Variants in DNAH5 observed in about 807,000 individuals in gnomAD.
The protein encoded by DNAH5 is axonemal beta dynein heavy chain 5.
DNAH5 carries 372 observed loss-of-function variants against 518.2 expected under a neutral mutation model. The observed-to-expected ratio is 0.72, with a 90% confidence interval of 0.66 to 0.78. The LOEUF (loss-of-function observed/expected upper bound fraction) is 0.78. DNAH5 is among the 30% of genes least tolerant of loss of function. The pLI is 0.00. For missense variants in DNAH5, 5,523 were observed against 5,687.0 expected, an observed-to-expected ratio of 0.97 and a Z score of 0.93; for synonymous variants, 2,039 against 2,025.9, an observed-to-expected ratio of 1.01 and a Z score of -0.17.
At chr5:13,713,318 C>CATATATATATACCGACAT (rs1202730491) in intron 75 of DNAH5, among the ~76,000 whole-genome samples, 1 of 143,752 alleles carries the variant, frequency 7.0e-6, no homozygotes, top group South Asian at 2.2e-4. Context: ...TATATACCGA[C>CATATATATATACCGACAT]ATATATATAC....
intron 39 of DNAH5, among the ~76,000 whole-genome samples, chr5:13,823,991 T>C (rs1762568945): frequency 6.6e-6 from 1 of 152,226 alleles, no homozygotes; most frequent in South Asian, 2.1e-4. Flanking sequence ...GCAATTCTAT[T>C]GGAATAGGCA....
At chr5:13,916,987 C>A (rs954381542) in intron 8 of DNAH5, among the ~76,000 whole-genome samples, 156 bp downstream of exon 8, 1 of 152,032 alleles carries the variant, frequency 6.6e-6, no homozygotes, top group Non-Finnish European at 1.5e-5. Context: ...TGTGCGTCTG[C>A]GTGTATATAC....
chr5:13,974,268 C>T (rs1201775706), intron 1 of DNAH5, among the ~76,000 whole-genome samples: 1 of 151,686 alleles, frequency 6.6e-6, no homozygotes, highest in African/African-American at 2.4e-5. Context: ...GCTGGGACTA[C>T]AGGTGAGTGC....
intron 35 of DNAH5, among the ~76,000 whole-genome samples, chr5:13,831,703 T>C (rs1296383016): frequency 1.3e-5 from 2 of 152,198 alleles, no homozygotes; most frequent in African/African-American, 2.4e-5. Flanking sequence ...GATCTGGTCA[T>C]GAAATCAGGA....
intron 63 of DNAH5, 74 bp from the exon 64 acceptor site, chr5:13,752,363 A>G: frequency 6.6e-7 from 1 of 1,526,354 alleles, no homozygotes; most frequent in Non-Finnish European, 9.1e-7. Flanking sequence ...CTGTTTTCAA[A>G]TGAAGCCTAA....
At chr5:13,903,798 T>A (rs1304560599) in intron 12 of DNAH5, among the ~76,000 whole-genome samples, 1 of 152,044 alleles carries the variant, frequency 6.6e-6, no homozygotes, top group African/African-American at 2.4e-5. Flanking sequence ...TTATAGGCAT[T>A]TGGGTGTAAA....
chr5:13,753,209 T>C, intron 63 of DNAH5, 24 bp downstream of exon 63: 1 of 1,585,938 alleles, frequency 6.3e-7, no homozygotes, highest in Non-Finnish European at 8.7e-7. Flanking sequence ...ACCGGTAGCA[T>C]AAACATACTA....
chr5:13,763,385 C>T (rs998933079), intron 59 of DNAH5, among the ~76,000 whole-genome samples: 3 of 152,084 alleles, frequency 2.0e-5, no homozygotes, highest in African/African-American at 7.2e-5. Context: ...ATTAAACTCA[C>T]CTAAAATGTG....
chr5:13,950,437 T>C (rs887841402), intron 1 of DNAH5, among the ~76,000 whole-genome samples: 7 of 152,036 alleles, frequency 4.6e-5, no homozygotes, highest in Admixed American at 2.0e-4. Context: ...CCACCACGCC[T>C]GGCTAATTTT....
chr5:13,801,842 C>G (rs902119897), intron 47 of DNAH5, among the ~76,000 whole-genome samples: 3 of 152,058 alleles, frequency 2.0e-5, no homozygotes, highest in African/African-American at 7.2e-5. Flanking sequence ...AGTTCATTTA[C>G]ATACAGTTAA....
rs189757194 is a variant in DNAH5 at position 13,765,858 on chromosome 5, T to C, written c.10101+118A>G. On this transcript the variant is annotated intron_variant, in intron 59 of 78. Transcript: ENST00000265104. ...TTTTATATTTGAGACAAAGTTTTACTCTGAAAAAATCATGTATGTAGAGTA... is the reference window on the plus strand; with the variant it reads ...TTTTATATTTGAGACAAAGTTTTACCCTGAAAAAATCATGTATGTAGAGTA... 1.8e-5 allele frequency: 19 copies of C among 1,058,968 alleles called. No homozygotes were observed. In the African/African-American group the frequency reaches 2.5e-4, roughly 14 times the overall value. 65.6% of individuals were successfully genotyped at this position (1,058,968 alleles called of 1,614,324 possible).
intron 1 of DNAH5, among the ~76,000 whole-genome samples, chr5:13,953,149 ACT>A (rs528754899): frequency 3.9e-4 from 59 of 152,186 alleles, no homozygotes; most frequent in Non-Finnish European, 4.6e-4. Context: ...AATTATAGAA[ACT>A]CTGTACGGAT....
intron 60 of DNAH5, among the ~76,000 whole-genome samples, chr5:13,759,372 T>A (rs944705760): frequency 3.3e-5 from 5 of 152,244 alleles, no homozygotes; most frequent in African/African-American, 1.2e-4. Context: ...CAGGCCATAG[T>A]CTACCTAGAT....
At chr5:13,772,541 C>T (rs1049970185) in intron 55 of DNAH5, among the ~76,000 whole-genome samples, 1 of 152,216 alleles carries the variant, frequency 6.6e-6, no homozygotes, top group Non-Finnish European at 1.5e-5. Flanking sequence ...CTGTCATCTT[C>T]AATATCCCAT....
chr5:13,758,801 C>T (rs1751366512), intron 61 of DNAH5, 45 bp downstream of exon 61: 2 of 1,613,552 alleles, frequency 1.2e-6, no homozygotes, highest in African/African-American at 2.7e-5. Context: ...GAGAGAGAAG[C>T]CGTGTAGATA....
chr5:13,904,906 G>A (rs906027958), intron 12 of DNAH5, among the ~76,000 whole-genome samples: 1 of 151,672 alleles, frequency 6.6e-6, no homozygotes, highest in Non-Finnish European at 1.5e-5. Context: ...GCAAGACCCT[G>A]TTTCAAAAAA....
Position 13,793,655 on chromosome 5 carries a change from G to T in DNAH5, c.8084C>A (p.Thr2695Asn). 1 of 1,614,142 alleles carries T rather than the reference G, an allele frequency of 6.2e-7. No individual in the cohort carries two copies. The highest frequency in any genetic ancestry group is 8.5e-7 in the Non-Finnish European group (1 of 1,180,026). ...FYNLEKPGEF[T>N]SIVDIQFLAA... ...CAAAAACTGGATGTCCACGATGCTG[G>T]TGAACTCCCCAGGCTTCTCTAGATT... is the stretch of plus-strand genomic sequence containing the variant. Residue 2695 changes from threonine to asparagine, a missense_variant, in exon 49 of 79, where the codon ACC (threonine) becomes AAC (asparagine). Physicochemically the swap from Thr to Asn is moderately conservative, Grantham distance 65. Around this residue, in one of 3 missense-constraint regions of DNAH5, gnomAD observed 5,121 missense variants for 5,223.3 expected, o/e 0.98. Coordinates refer to ENST00000265104, the MANE Select transcript of DNAH5 (RefSeq NM_001369.3).
Position 13,963,315 on chromosome 5 carries a change from C to T in DNAH5, c.13-32071G>A, listed in dbSNP as rs528868855. On this transcript the variant is annotated intron_variant, in intron 1 of 78. Coordinates refer to the DNAH5 transcript ENST00000681290. Reference sequence around the variant, plus strand: ...TGACCTGGTCGGAAGCGGTGGCTCACGCCTATAATCCCAGCACTTTGGGAG... The same window carrying T: ...TGACCTGGTCGGAAGCGGTGGCTCATGCCTATAATCCCAGCACTTTGGGAG... Among the ~76,000 whole-genome samples, 6 of 151,762 alleles carry T rather than the reference C, an allele frequency of 4.0e-5. No individual in the cohort carries two copies. In the South Asian group the frequency reaches 6.2e-4, roughly 16 times the overall value.
intron 70 of DNAH5, among the ~76,000 whole-genome samples, chr5:13,724,604 C>G (rs1364648001): frequency 6.6e-6 from 1 of 152,096 alleles, no homozygotes; most frequent in African/African-American, 2.4e-5. Context: ...AATGTTTGCC[C>G]CCTTCAAATC....
Sources: gnomAD v4.1 joint callset for allele counts (sites outside exome capture counted in the v4.1 genomes callset) on GRCh38, gnomAD v4.1.1 for gene constraint, gnomAD v4.1.1 regional missense constraint, MANE v1.5 for transcripts, NCBI Gene and HGNC (gene_info 2026-07-23, HGNC 2026-07-21) for gene names.